Variants in KALRN observed in about 807,000 individuals in gnomAD.
KALRN encodes the protein kalirin.
KALRN carries 70 observed loss-of-function variants against 353.7 expected under a neutral mutation model. The observed-to-expected ratio is 0.20, with a 90% CI of 0.16 to 0.24. The LOEUF is 0.24. Ranked by LOEUF, KALRN falls within the 10% of genes least tolerant of loss-of-function variation. The pLI, the probability that KALRN is intolerant of heterozygous loss-of-function variation, is 1.00. For missense variants in KALRN, 2,791 were observed against 3,756.7 expected, an observed-to-expected ratio of 0.74 and a Z score of 6.72; for synonymous variants, 1,391 against 1,434.8, an observed-to-expected ratio of 0.97 and a Z score of 0.69.
intron 1 of KALRN, chr3:124,152,640 C>G (rs9755913): frequency 0.025 from 14,448 of 579,986 alleles, 1,479 homozygotes; most frequent in African/African-American, 0.25. Flanking sequence ...GTTGCCCAGG[C>G]TGGAGTGCAG....
chr3:124,633,651 GT>G (rs2081040130), intron 35 of KALRN, among the ~76,000 whole-genome samples, 200 bp from the exon 36 acceptor site: 1 of 152,090 alleles, frequency 6.6e-6, no homozygotes, highest in Admixed American at 6.5e-5. Context: ...GTGTGTGTGT[GT>G]GTGTGTTCCC....
At chr3:124,192,933 T>C (rs1487785291) in intron 1 of KALRN, among the ~76,000 whole-genome samples, 1 of 152,196 alleles carries the variant, frequency 6.6e-6, no homozygotes, top group Non-Finnish European at 1.5e-5. Flanking sequence ...ATACCATGAG[T>C]TAACTATTAA....
intron 34 of KALRN, among the ~76,000 whole-genome samples, chr3:124,616,790 C>T (rs767460272): frequency 3.4e-4 from 52 of 151,894 alleles, no homozygotes; most frequent in Non-Finnish European, 6.5e-4. Flanking sequence ...ACGGTGAAAC[C>T]CCGTCTCTAC....
At chr3:124,238,576 C>A (rs1420426712) in intron 3 of KALRN, among the ~76,000 whole-genome samples, 1 of 152,208 alleles carries the variant, frequency 6.6e-6, no homozygotes, top group Non-Finnish European at 1.5e-5. Context: ...GGCCTCAGAA[C>A]AGAGTATTAC....
chr3:124,297,168 T>C (rs1028468420), intron 5 of KALRN, among the ~76,000 whole-genome samples: 1 of 152,232 alleles, frequency 6.6e-6, no homozygotes, highest in East Asian at 1.9e-4. Context: ...TAAATACTGG[T>C]TGAATGTAAT....
chr3:124,219,201 C>T (rs1432129168), intron 1 of KALRN, among the ~76,000 whole-genome samples: 4 of 152,206 alleles, frequency 2.6e-5, no homozygotes, highest in East Asian at 1.9e-4. Context: ...GAGAAGTACT[C>T]AGCCCCTGCC....
chr3:124,055,050 A>G (rs1388670874), intron 1 of KALRN, among the ~76,000 whole-genome samples: 2 of 152,196 alleles, frequency 1.3e-5, no homozygotes, highest in African/African-American at 4.8e-5. Flanking sequence ...AGAGGGTAAA[A>G]TGCTAAACTT....
chr3:124,670,012 C>T (rs1485620401), intron 47 of KALRN, among the ~76,000 whole-genome samples: 2 of 150,376 alleles, frequency 1.3e-5, no homozygotes, highest in African/African-American at 2.5e-5. Flanking sequence ...CTCTGTCGCC[C>T]AGGCTGGAGT....
chr3:124,300,155 A>G (rs1461561977), intron 6 of KALRN, among the ~76,000 whole-genome samples: 1 of 152,178 alleles, frequency 6.6e-6, no homozygotes, highest in Non-Finnish European at 1.5e-5. Flanking sequence ...CACACTGGAG[A>G]AGAAATATTT....
intron 5 of KALRN, among the ~76,000 whole-genome samples, chr3:124,293,729 C>T (rs1438482206): frequency 1.3e-5 from 2 of 149,536 alleles, no homozygotes; most frequent in African/African-American, 2.4e-5. Context: ...TATTTAGACA[C>T]GAACTTTCCT....
chr3:124,294,611 G>A (rs1444747), intron 5 of KALRN, among the ~76,000 whole-genome samples: 4,176 of 130,418 alleles, frequency 0.032, 80 homozygotes, highest in Middle Eastern at 0.096. Context: ...TGCAACCTCC[G>A]CCTCCCGGGT....
rs746897059 is a variant in KALRN at position 124,103,734 on chromosome 3, T to C, written c.73+69921T>C. Among the ~76,000 whole-genome samples, 6 of 152,074 alleles carry C rather than the reference T, an allele frequency of 3.9e-5. 1 individual carries two copies. Among genetic ancestry groups the C allele is most frequent in the Admixed American group, 2.6e-4 (4 of 15,266 alleles). Reference sequence around the variant, plus strand: ...ACTTTGGGAGGCCGAGGTGGACAGATTGCCTGAGCTCAGGAGTTGGAGACT... The same window carrying C: ...ACTTTGGGAGGCCGAGGTGGACAGACTGCCTGAGCTCAGGAGTTGGAGACT... On this transcript the variant is annotated intron_variant, in intron 1 of 59. Transcript: ENST00000682506.
At chr3:124,522,245 C>A (rs116027300) in intron 33 of KALRN, among the ~76,000 whole-genome samples, 89 of 151,564 alleles carry the variant, frequency 5.9e-4, no homozygotes, top group African/African-American at 2.1e-3. Flanking sequence ...ATATGTAAGA[C>A]CTTCCTGAGA....
chr3:124,345,136 A>T (rs1276163302), intron 9 of KALRN, among the ~76,000 whole-genome samples: 1 of 152,226 alleles, frequency 6.6e-6, no homozygotes, highest in East Asian at 1.9e-4. Context: ...AGTCTGAAAA[A>T]TCTGTTATAA....
intron 14 of KALRN, among the ~76,000 whole-genome samples, chr3:124,419,890 T>C (rs1373929): frequency 0.39 from 58,785 of 152,066 alleles, 11,733 homozygotes; most frequent in South Asian, 0.48. Flanking sequence ...GATATATCAA[T>C]AGATTGAGAG....
chr3:124,126,711 T>G (rs890478730), intron 1 of KALRN, among the ~76,000 whole-genome samples: 7 of 152,216 alleles, frequency 4.6e-5, no homozygotes, highest in African/African-American at 1.7e-4. Flanking sequence ...TACAGTTTCT[T>G]GTGAAAATGA....
intron 48 of KALRN, among the ~76,000 whole-genome samples, chr3:124,674,113 G>A (rs2086858066): frequency 6.6e-6 from 1 of 152,116 alleles, no homozygotes; most frequent in African/African-American, 2.4e-5. Flanking sequence ...CCAGGTCAAA[G>A]GCGTGTTTAT....
chr3:124,066,832 C>T (rs995889012), intron 1 of KALRN, among the ~76,000 whole-genome samples: 1 of 152,162 alleles, frequency 6.6e-6, no homozygotes, highest in Non-Finnish European at 1.5e-5. Context: ...CAAACAGGAG[C>T]CCCTGGTTGA....
intron 1 of KALRN, among the ~76,000 whole-genome samples, chr3:124,065,901 A>G (rs1287135174): frequency 6.6e-6 from 1 of 152,202 alleles, no homozygotes; most frequent in Non-Finnish European, 1.5e-5. Flanking sequence ...TCAAGCTCAG[A>G]CTGGGGCTGA....
Sources: gnomAD v4.1 joint callset for allele counts (sites outside exome capture counted in the v4.1 genomes callset) on GRCh38, gnomAD v4.1.1 for gene constraint, MANE v1.5 for transcripts, NCBI Gene and HGNC (gene_info 2026-07-23, HGNC 2026-07-21) for gene names.